ZNF423: variants seen among roughly 807,000 people sequenced by gnomAD.
ZNF423 encodes Ebf-associated zinc finger protein.
A neutral mutation model predicts 95.8 loss-of-function variants in ZNF423; 12 were observed. The observed-to-expected ratio is 0.13, with a 90% CI of 0.08 to 0.20. The LOEUF (loss-of-function observed/expected upper bound fraction) is 0.20. ZNF423 is among the 10% of genes least tolerant of loss of function. The probability of loss-of-function intolerance (pLI) is 1.00; values close to 1 mark genes in which losing one functional copy is unlikely to be tolerated. For synonymous variants in ZNF423, 749 were observed against 711.9 expected, an observed-to-expected ratio of 1.05 and a Z score of -0.83; for missense variants, 1,316 against 1,737.1, an observed-to-expected ratio of 0.76 and a Z score of 4.31.
At chr16:49,617,661 CT>C (rs1567506317) in intron 5 of ZNF423, among the ~76,000 whole-genome samples, 1 of 152,144 alleles carries the variant, frequency 6.6e-6, no homozygotes, top group Admixed American at 6.6e-5. Context: ...GTCTCTCTCT[CT>C]TAAAAATGCA....
chr16:49,715,758 C>G (rs890676272), intron 3 of ZNF423, among the ~76,000 whole-genome samples: 1 of 151,192 alleles, frequency 6.6e-6, no homozygotes, highest in Non-Finnish European at 1.5e-5. Flanking sequence ...ACAACAAAAG[C>G]CAGACACAGT....
At chr16:49,684,202 T>A (rs912042779) in intron 3 of ZNF423, among the ~76,000 whole-genome samples, 3 of 152,342 alleles carry the variant, frequency 2.0e-5, no homozygotes, top group Admixed American at 2.0e-4. Context: ...CTGTAAATTC[T>A]CATGTGTGCA....
At chr16:49,669,291 T>C (rs1487261804) in intron 3 of ZNF423, among the ~76,000 whole-genome samples, 1 of 150,034 alleles carries the variant, frequency 6.7e-6, no homozygotes, top group Admixed American at 6.6e-5. Context: ...TTCGCGCCAT[T>C]GCACTCCAGC....
At chr16:49,802,212 G>A (rs1248853209) in intron 1 of ZNF423, among the ~76,000 whole-genome samples, 1 of 152,112 alleles carries the variant, frequency 6.6e-6, no homozygotes, top group East Asian at 1.9e-4. Context: ...TCTGGTTCCA[G>A]ATTGAGTAGG....
chr16:49,585,120 T>G (rs1473484748), intron 5 of ZNF423, among the ~76,000 whole-genome samples: 1 of 152,178 alleles, frequency 6.6e-6, no homozygotes, highest in Non-Finnish European at 1.5e-5. Context: ...TAAATTACCT[T>G]TAGGCTGTGG....
chr16:49,654,790 G>C (rs182195625), intron 3 of ZNF423, among the ~76,000 whole-genome samples: 422 of 152,298 alleles, frequency 2.8e-3, no homozygotes, highest in African/African-American at 9.7e-3. Flanking sequence ...AGGGAGAAAG[G>C]CTGTCTCTAA....
intron 7 of ZNF423, among the ~76,000 whole-genome samples, chr16:49,513,691 G>C (rs1214226878): frequency 6.6e-6 from 1 of 151,732 alleles, no homozygotes; most frequent in Admixed American, 6.6e-5. Flanking sequence ...GGATGGCAAA[G>C]GGTGTCTTCA....
At chr16:49,675,922 A>T (rs1041980931) in intron 3 of ZNF423, among the ~76,000 whole-genome samples, 1 of 152,172 alleles carries the variant, frequency 6.6e-6, no homozygotes, top group Non-Finnish European at 1.5e-5. Context: ...CACACACAAC[A>T]CTGTGCAGAG....
chr16:49,730,066 T>C (rs757600821), intron 3 of ZNF423, among the ~76,000 whole-genome samples: 5 of 152,260 alleles, frequency 3.3e-5, no homozygotes, highest in South Asian at 2.1e-4. Context: ...GTCATCCCTG[T>C]AGCATGGCTT....
chr16:49,825,643 C>A (rs1161480970), intron 1 of ZNF423, among the ~76,000 whole-genome samples: 1 of 151,884 alleles, frequency 6.6e-6, no homozygotes, highest in Admixed American at 6.6e-5. Context: ...AAAAAAAAAT[C>A]TTTTCTAAGA....
At chr16:49,842,518 G>A (rs998520642) in intron 1 of ZNF423, among the ~76,000 whole-genome samples, 3 of 151,894 alleles carry the variant, frequency 2.0e-5, no homozygotes, top group Non-Finnish European at 4.4e-5. Flanking sequence ...AGGCCAAGGT[G>A]GAAGGATCAC....
At chr16:49,724,665 C>A (rs1449009521) in intron 3 of ZNF423, among the ~76,000 whole-genome samples, 1 of 152,234 alleles carries the variant, frequency 6.6e-6, no homozygotes, top group Non-Finnish European at 1.5e-5. Flanking sequence ...CCACACAGCA[C>A]CAGCCCTGTA....
At chr16:49,792,702 T>C (rs1055283458) in intron 1 of ZNF423, among the ~76,000 whole-genome samples, 24 of 152,096 alleles carry the variant, frequency 1.6e-4, no homozygotes, top group African/African-American at 5.8e-4. Flanking sequence ...AAGCACACCT[T>C]CAAAGGTGAA....
chr16:49,644,004 A>C (rs1364647315), intron 3 of ZNF423, among the ~76,000 whole-genome samples: 1 of 152,240 alleles, frequency 6.6e-6, no homozygotes, highest in Non-Finnish European at 1.5e-5. Flanking sequence ...ACTGCCTCGG[A>C]CACACCTCAT....
At chr16:49,837,756 C>T (rs1336850535) in intron 1 of ZNF423, among the ~76,000 whole-genome samples, 2 of 152,340 alleles carry the variant, frequency 1.3e-5, no homozygotes, top group Non-Finnish European at 2.9e-5. Context: ...CCACATGGGG[C>T]GGGCCCAAGG....
At chr16:49,664,024 T>TTCCA in intron 3 of ZNF423, 1 of 974,524 alleles carries the variant, frequency 1.0e-6, no homozygotes, top group Non-Finnish European at 1.2e-6. Context: ...GACACCAGCC[T>TTCCA]GTTTTATTCA....
rs185817390 is a variant in ZNF423, at chr16:49,605,741, G to A, written c.3601+20429C>T. 1.5e-3 allele frequency among the ~76,000 whole-genome samples: 234 copies of A among 152,342 alleles called. 2 individuals are homozygous for A. The highest frequency in any genetic ancestry group is 7.7e-4 in the East Asian group (4 of 5,184). On this transcript the variant is annotated intron_variant, in intron 5 of 7. Transcript: ENST00000563137. ...TATTAAGACATTGCCACTCTGAAGA[G>A]TGGAGTCATTCCCAAGGCCCCCGTT...
At chr16:49,856,668 C>T (rs2035374154), upstream of ZNF423, among the ~76,000 whole-genome samples, 1 of 150,050 alleles carries the variant, frequency 6.7e-6, no homozygotes, top group Admixed American at 6.6e-5. Context: ...CCGGCGCCGG[C>T]CCCCCGGAGG....
intron 1 of ZNF423, among the ~76,000 whole-genome samples, chr16:49,804,023 C>T (rs945487358): frequency 1.3e-5 from 2 of 151,102 alleles, no homozygotes. Context: ...GCATCCTCCA[C>T]CTCCCGGATT....
Sources: gnomAD v4.1 joint callset for allele counts (sites outside exome capture counted in the v4.1 genomes callset) on GRCh38, gnomAD v4.1.1 for gene constraint, MANE v1.5 for transcripts, NCBI Gene and HGNC (gene_info 2026-07-23, HGNC 2026-07-21) for gene names.